STK3: variants seen among roughly 807,000 people sequenced by gnomAD.
STK3 encodes serine/threonine-protein kinase 3.
In STK3, 41 loss-of-function variants were observed where a neutral mutation model predicts 58.0. That is an observed-to-expected ratio of 0.71 (90% CI 0.55 to 0.92). The LOEUF (loss-of-function observed/expected upper bound fraction) is 0.92. Among genes scored for constraint, STK3 ranks in the 40% least tolerant of loss-of-function variants. The probability of loss-of-function intolerance (pLI) is 0.00; values close to 1 mark genes in which losing one functional copy is unlikely to be tolerated. For missense variants in STK3, 479 were observed against 602.7 expected, an observed-to-expected ratio of 0.79 and a Z score of 2.15; for synonymous variants, 170 against 191.0, an observed-to-expected ratio of 0.89 and a Z score of 0.91.
At chr8:98,675,468 A>C (rs1238250663) in intron 6 of STK3, among the ~76,000 whole-genome samples, 2 of 152,176 alleles carry the variant, frequency 1.3e-5, no homozygotes, top group East Asian at 3.8e-4. Flanking sequence ...AAAATGGCTG[A>C]GCTATGGAAA....
At chr8:98,910,507 C>T (rs1339653612) in intron 1 of STK3, among the ~76,000 whole-genome samples, 4 of 152,114 alleles carry the variant, frequency 2.6e-5, no homozygotes, top group Admixed American at 2.0e-4. Flanking sequence ...GAGAAGGAAA[C>T]TTCTATAGTG....
intron 8 of STK3, among the ~76,000 whole-genome samples, chr8:98,577,282 T>G (rs1243481307): frequency 6.6e-6 from 1 of 151,544 alleles, no homozygotes; most frequent in Non-Finnish European, 1.5e-5. Context: ...AAGTCAGGAG[T>G]TCAAGACTAG....
upstream of STK3, among the ~76,000 whole-genome samples, chr8:98,388,890 C>A (rs567196418): frequency 5.3e-5 from 8 of 152,274 alleles, no homozygotes; most frequent in East Asian, 1.5e-3. Flanking sequence ...TTCACTTGAA[C>A]AAAAACATCT....
downstream of STK3, among the ~76,000 whole-genome samples, chr8:98,371,011 C>A (rs1817604539): frequency 1.3e-5 from 2 of 152,210 alleles, no homozygotes. Flanking sequence ...AGATTGGGAG[C>A]TCTGGTAAGA....
intron 10 of STK3, among the ~76,000 whole-genome samples, chr8:98,459,541 G>A (rs779773011): frequency 3.3e-5 from 5 of 152,310 alleles, no homozygotes; most frequent in African/African-American, 9.6e-5. Context: ...ATAAGGAGCC[G>A]AGACAATGGG....
chr8:98,384,165 T>G (rs74985184), intron 1 of STK3, among the ~76,000 whole-genome samples: 378 of 152,330 alleles, frequency 2.5e-3, no homozygotes, highest in Non-Finnish European at 4.2e-3. Flanking sequence ...CGTTTCCACT[T>G]TGGCCTCTGA....
chr8:98,880,766 C>T (rs993218487), downstream of STK3: 5 of 152,086 alleles, frequency 3.3e-5, no homozygotes, highest in African/African-American at 1.2e-4. Context: ...CAAATTAAAA[C>T]AAAAAATTAG....
At chr8:98,614,904 G>C (rs571248717) in intron 6 of STK3, among the ~76,000 whole-genome samples, 19 of 152,272 alleles carry the variant, frequency 1.2e-4, no homozygotes, top group Admixed American at 5.9e-4. Flanking sequence ...GCCATTGCCC[G>C]GGCTTGCTTA....
At chr8:98,723,810 T>C (rs775312677) in intron 4 of STK3, among the ~76,000 whole-genome samples, 3 of 152,136 alleles carry the variant, frequency 2.0e-5, no homozygotes, top group African/African-American at 7.2e-5. Context: ...GTCTTAAAAA[T>C]TGATCGAAAC....
In STK3 at chr8:98,700,819, C is replaced by T. The variant is rs188187082; in HGVS notation, c.684+5648G>A. ...AGTGATCCATACAGTTCTTTCCTTA[C>T]CCCTTTCCCTATGCTGAACAACAGG... is the stretch of plus-strand genomic sequence containing the variant. On this transcript the variant is annotated intron_variant, in intron 6 of 10. Coordinates refer to ENST00000419617, the MANE Select transcript of STK3 (RefSeq NM_006281.4). Among the ~76,000 whole-genome samples, 13 of 152,254 alleles carry T rather than the reference C, an allele frequency of 8.5e-5. No individual in the cohort carries two copies. In the East Asian group the frequency reaches 2.5e-3, roughly 29 times the overall value.
chr8:98,598,614 T>G (rs975295138), intron 6 of STK3: 246 of 985,274 alleles, frequency 2.5e-4, no homozygotes, highest in Non-Finnish European at 2.8e-4. Flanking sequence ...TTATATGAGT[T>G]GATTAGGTAT....
intron 4 of STK3, among the ~76,000 whole-genome samples, chr8:98,720,018 T>C (rs77007314): frequency 0.041 from 6,294 of 152,314 alleles, 190 homozygotes; most frequent in Non-Finnish European, 0.069. Context: ...TACAAGTACA[T>C]GAATAGAGCT....
chr8:98,415,592 C>T (rs1818106815), intron 3 of STK3, among the ~76,000 whole-genome samples: 1 of 152,198 alleles, frequency 6.6e-6, no homozygotes, highest in South Asian at 2.1e-4. Context: ...AATATAATCC[C>T]ACTCTTATTC....
chr8:98,503,092 G>T lies in STK3; in HGVS notation c.1317+23650C>A, dbSNP rs186558367. Among the ~76,000 whole-genome samples the T allele has an allele frequency of 1.5e-3, 230 of 152,238 alleles. 2 individuals are homozygous for T. Among genetic ancestry groups the T allele is most frequent in the Non-Finnish European group, 2.3e-3 (156 of 68,008 alleles). Reference sequence around the variant, plus strand: ...GCCTCAATTTCAGAGCGTGTTATTGGTCTATTCAGAGATTCAACTTCTTCC... The same window carrying T: ...GCCTCAATTTCAGAGCGTGTTATTGTTCTATTCAGAGATTCAACTTCTTCC... On this transcript the variant is annotated intron_variant, in intron 10 of 10. Transcript: ENST00000419617.
chr8:98,791,108 A>G lies in STK3; in HGVS notation c.27-16289T>C, dbSNP rs1178234588. ...ACAGAAAGCTCCTAGAACTGATAAA[A>G]GAATTCAGCAAAGTTTCCAGATACA... On this transcript the variant is annotated intron_variant, in intron 1 of 10. Transcript: ENST00000419617. Among the ~76,000 whole-genome samples the G allele has an allele frequency of 3.9e-5, 6 of 152,238 alleles. No individual in the cohort carries two copies. In the East Asian group the frequency reaches 1.2e-3, roughly 29 times the overall value.
intron 10 of STK3, among the ~76,000 whole-genome samples, chr8:98,462,792 C>A (rs1365141247): frequency 6.6e-6 from 1 of 152,088 alleles, no homozygotes; most frequent in Non-Finnish European, 1.5e-5. Context: ...AATAATCAAC[C>A]TTTTGAATTC....
At position 98,487,440 on chromosome 8, in the gene STK3, G is replaced by A. The variant is rs542397450; in HGVS notation, c.1318-31440C>T. On this transcript the variant is annotated intron_variant, in intron 10 of 10. Coordinates refer to ENST00000419617, the MANE Select transcript of STK3 (RefSeq NM_006281.4). ...TTAATTCACTAGAAAATGAAAACTC[G>A]GAAACCTAAATAGCTAATTCAAGGC... Among the ~76,000 whole-genome samples, 5 of 152,156 alleles carry A rather than the reference G, an allele frequency of 3.3e-5. No homozygotes were observed. In the South Asian group the frequency reaches 6.2e-4, roughly 19 times the overall value.
intron 8 of STK3, among the ~76,000 whole-genome samples, chr8:98,555,377 T>G (rs973013093): frequency 2.0e-5 from 3 of 152,152 alleles, no homozygotes; most frequent in Admixed American, 6.6e-5. Context: ...ATAAAATTGT[T>G]TCTATATTCT....
At chr8:98,371,865 C>G (rs888697978) in intron 2 of STK3, among the ~76,000 whole-genome samples, 2 of 152,124 alleles carry the variant, frequency 1.3e-5, no homozygotes, top group Non-Finnish European at 2.9e-5. Context: ...AATTGTCTCT[C>G]CCCAAATTGC....
Sources: gnomAD v4.1 joint callset for allele counts (sites outside exome capture counted in the v4.1 genomes callset) on GRCh38, gnomAD v4.1.1 for gene constraint, MANE v1.5 for transcripts, NCBI Gene and HGNC (gene_info 2026-07-23, HGNC 2026-07-21) for gene names.